SERPINB8: variants seen among roughly 807,000 people sequenced by gnomAD.
SERPINB8 encodes the protein serpin B8.
A neutral mutation model predicts 35.3 loss-of-function variants in SERPINB8; 25 were observed. The observed-to-expected ratio is 0.71, with a 90% CI of 0.52 to 0.99. SERPINB8 has a LOEUF of 0.99. Among genes scored for constraint, SERPINB8 ranks in the 50% least tolerant of loss-of-function variants. The pLI is 0.00. For missense variants in SERPINB8, 484 were observed against 446.5 expected, an observed-to-expected ratio of 1.08 and a Z score of -0.76; for synonymous variants, 186 against 160.8, an observed-to-expected ratio of 1.16 and a Z score of -1.19.
downstream of SERPINB8, among the ~76,000 whole-genome samples, chr18:63,993,718 G>T (rs1412093680): frequency 6.6e-6 from 1 of 152,186 alleles, no homozygotes; most frequent in Non-Finnish European, 1.5e-5. Flanking sequence ...GATCCCATAG[G>T]CCTGACCATA....
downstream of SERPINB8, among the ~76,000 whole-genome samples, chr18:63,992,401 A>T (rs554617895): frequency 6.6e-6 from 1 of 152,220 alleles, no homozygotes; most frequent in East Asian, 1.9e-4. Flanking sequence ...AAAGTTGTTT[A>T]TAATAGTCTC....
intron 7 of SERPINB8, among the ~76,000 whole-genome samples, chr18:64,012,183 G>T (rs781076973): frequency 5.3e-5 from 8 of 152,032 alleles, no homozygotes; most frequent in Non-Finnish European, 7.4e-5. Flanking sequence ...ATATCTAAAA[G>T]AACTCTTTAC....
At chr18:63,995,850 G>A (rs1433611046) in intron 1 of SERPINB8, among the ~76,000 whole-genome samples, 1 of 152,246 alleles carries the variant, frequency 6.6e-6, no homozygotes. Context: ...CAGCTGAGGA[G>A]ATGGGAGATA....
intron 5 of SERPINB8, 66 bp downstream of exon 5, chr18:63,983,787 G>A (rs2144813736): frequency 9.3e-7 from 1 of 1,074,276 alleles, no homozygotes; most frequent in Non-Finnish European, 1.4e-6. Context: ...ATATTCTCTT[G>A]GAAAAATGAA....
At chr18:64,004,578 T>C (rs2050891130) in intron 1 of SERPINB8, among the ~76,000 whole-genome samples, 1 of 152,226 alleles carries the variant, frequency 6.6e-6, no homozygotes, top group African/African-American at 2.4e-5. Flanking sequence ...AGATCACTTT[T>C]AAGAGCTATG....
intron 1 of SERPINB8, 23 bp downstream of exon 1, chr18:63,970,193 G>C (rs564776004): frequency 6.8e-6 from 2 of 295,830 alleles, no homozygotes; most frequent in South Asian, 2.9e-5. Context: ...GCCAGGTACC[G>C]GGCGGGGCAG....
chr18:63,977,484 T>C (rs925563099), intron 1 of SERPINB8, among the ~76,000 whole-genome samples: 1 of 152,082 alleles, frequency 6.6e-6, no homozygotes, highest in African/African-American at 2.4e-5. Context: ...CCCGCCACCA[T>C]GCCTGGATAA....
chr18:63,989,565 C>G (rs578248429), downstream of SERPINB8, among the ~76,000 whole-genome samples: 1 of 152,168 alleles, frequency 6.6e-6, no homozygotes, highest in Non-Finnish European at 1.5e-5. Flanking sequence ...CTCACCAATA[C>G]TTGGTACTAC....
At chr18:64,016,515 T>C (rs1344627157) in intron 7 of SERPINB8, among the ~76,000 whole-genome samples, 1 of 152,204 alleles carries the variant, frequency 6.6e-6, no homozygotes, top group East Asian at 1.9e-4. Context: ...AGATAAACTT[T>C]TTTATTCTAA....
chr18:63,983,780 T>G (rs2050709343), intron 5 of SERPINB8, 59 bp downstream of exon 5: 1 of 1,180,694 alleles, frequency 8.5e-7, no homozygotes, highest in African/African-American at 1.5e-5. Context: ...ACAGGAAATA[T>G]TCTCTTGGAA....
rs1226337868 is a variant in SERPINB8, at chr18:63,979,826, A to G, written c.194A>G (p.Asp65Gly). 1.9e-6 allele frequency: 3 copies of G among 1,614,096 alleles called. No individual in the cohort carries two copies. The highest frequency in any genetic ancestry group is 2.5e-6 in the Non-Finnish European group (3 of 1,179,980). ...GCACTTTGTTTATACAAAGACGGAGATATTCACCGAGGTTTCCAGTCACTT... is the reference window on the plus strand; with the variant it reads ...GCACTTTGTTTATACAAAGACGGAGGTATTCACCGAGGTTTCCAGTCACTT... ...SQALCLYKDG[D>G]IHRGFQSLLS... is the part of the protein sequence containing the mutation. The change falls in exon 3 of 7, where the codon GAT (aspartate) becomes GGT (glycine). Residue 65 changes from aspartate (D) to glycine (G), a missense_variant. Transcript: ENST00000397985.
At chr18:63,992,852 A>C (rs2050831468), downstream of SERPINB8, among the ~76,000 whole-genome samples, 1 of 151,686 alleles carries the variant, frequency 6.6e-6, no homozygotes, top group African/African-American at 2.4e-5. Flanking sequence ...AGTGGGGGTG[A>C]TTGTCGGGTA....
At chr18:63,983,893 C>CTGGA (rs1323615491) in intron 5 of SERPINB8, among the ~76,000 whole-genome samples, 172 bp downstream of exon 5, 2 of 152,250 alleles carry the variant, frequency 1.3e-5, no homozygotes, top group East Asian at 3.9e-4. Flanking sequence ...GTCACCCAGG[C>CTGGA]TGGAGTGCAG....
At chr18:64,003,519 ATGTGTGTGTGTGTGTGTG>A (rs61161137) in intron 1 of SERPINB8, among the ~76,000 whole-genome samples, 1 of 148,166 alleles carries the variant, frequency 6.7e-6, no homozygotes, top group African/African-American at 2.5e-5. Context: ...TGAGGGACAA[ATGTGTGTGTGTGTGTGTG>A]TGTGTGTGTG....
intron 1 of SERPINB8, among the ~76,000 whole-genome samples, chr18:63,975,669 G>A (rs761443996): frequency 1.4e-4 from 22 of 152,004 alleles, no homozygotes; most frequent in Non-Finnish European, 2.9e-4. Context: ...GCTTTAGACT[G>A]TTGTTCTATA....
chr18:63,972,995 G>GGT (rs2050516150), intron 1 of SERPINB8, among the ~76,000 whole-genome samples: 2 of 152,124 alleles, frequency 1.3e-5, no homozygotes, highest in East Asian at 3.8e-4. Context: ...TAATCCTTTG[G>GGT]GTGTATACCC....
downstream of SERPINB8, among the ~76,000 whole-genome samples, chr18:63,990,772 C>T (rs546471062): frequency 6.8e-6 from 1 of 147,230 alleles, no homozygotes; most frequent in South Asian, 2.2e-4. Flanking sequence ...CTTTAAAAAG[C>T]AGTTCTTAAT....
chr18:63,983,547 C>T, intron 4 of SERPINB8, 32 bp from the exon 5 acceptor site: 3 of 1,605,256 alleles, frequency 1.9e-6, no homozygotes, highest in Non-Finnish European at 2.6e-6. Context: ...TATTTCCCCA[C>T]AAATTGCAAT....
At chr18:63,984,880 G>GTTT (rs11432695) in intron 5 of SERPINB8, among the ~76,000 whole-genome samples, 27 of 141,424 alleles carry the variant, frequency 1.9e-4, no homozygotes, top group South Asian at 4.4e-4. Flanking sequence ...TTACCAAACT[G>GTTT]TTTTTTTTTT....
Sources: gnomAD v4.1 joint callset for allele counts (sites outside exome capture counted in the v4.1 genomes callset) on GRCh38, gnomAD v4.1.1 for gene constraint, MANE v1.5 for transcripts, NCBI Gene and HGNC (gene_info 2026-07-23, HGNC 2026-07-21) for gene names.